Variants in NOS1AP observed in about 807,000 individuals in gnomAD.
NOS1AP encodes nitric oxide synthase 1 adaptor protein.
In NOS1AP, 21 loss-of-function variants were observed where a neutral mutation model predicts 56.2. That is an observed-to-expected ratio of 0.37 (90% CI 0.26 to 0.54). The LOEUF is 0.54. NOS1AP is among the 20% of genes least tolerant of loss of function. NOS1AP has a pLI of 0.84. For missense variants in NOS1AP, 522 were observed against 657.8 expected (o/e 0.79, Z 2.26); for synonymous variants, 270 against 274.6 (o/e 0.98, Z 0.17).
At chr1:162,124,350 G>A (rs1373819750) in intron 1 of NOS1AP, among the ~76,000 whole-genome samples, 2 of 152,068 alleles carry the variant, frequency 1.3e-5, no homozygotes, top group Non-Finnish European at 2.9e-5. Flanking sequence ...CCAGGGCTTA[G>A]CTCTGACTTG....
rs139851013 is a variant in NOS1AP, at chr1:162,128,308, A to G, written c.106-26097A>G. Among the ~76,000 whole-genome samples, 56 of 152,256 alleles carry G rather than the reference A, an allele frequency of 3.7e-4. No homozygotes were observed. In the East Asian group the frequency reaches 0.011, roughly 29 times the overall value. On this transcript the variant is annotated intron_variant, in intron 1 of 9. Transcript: ENST00000361897. The stretch of plus-strand genomic sequence containing the variant: ...CACTAAATGAAAATACACGTTTACC[A>G]TACACTACATTTCTGTATGCACTTG...
chr1:162,129,599 A>C (rs1054630099), intron 1 of NOS1AP, among the ~76,000 whole-genome samples: 3 of 152,278 alleles, frequency 2.0e-5, no homozygotes, highest in South Asian at 4.1e-4. Context: ...CCCTTAATAC[A>C]TTGACACTGG....
intron 2 of NOS1AP, among the ~76,000 whole-genome samples, chr1:162,192,803 T>C (rs1651685818): frequency 6.6e-6 from 1 of 152,226 alleles, no homozygotes; most frequent in East Asian, 1.9e-4. Context: ...TCTGTGTGGA[T>C]CTGATATATG....
chr1:162,188,844 G>C lies in NOS1AP; in HGVS notation c.177+34368G>C, dbSNP rs1490772042. On this transcript the variant is annotated intron_variant, in intron 2 of 9. Transcript: ENST00000361897. This position sits in a 1 kb window ranked among gnomAD's most constrained non-coding sequence, Gnocchi z 4.0. The stretch of plus-strand genomic sequence containing the variant: ...CGAGGCGGGCGGATCACGAGATCAG[G>C]AGTTCGAGACCAGCCTGGCCAACCT... Among the ~76,000 whole-genome samples, 2 of 152,212 alleles carry C rather than the reference G, an allele frequency of 1.3e-5. No individual in the cohort carries two copies. Among genetic ancestry groups the C allele is most frequent in the Non-Finnish European group, 2.9e-5 (2 of 68,030 alleles).
At chr1:162,300,747 A>T in intron 4 of NOS1AP, 41 bp downstream of exon 4, 1 of 1,573,762 alleles carries the variant, frequency 6.4e-7, no homozygotes, top group Non-Finnish European at 8.7e-7. Flanking sequence ...ACTGAGCCCC[A>T]GAGTCCTCCT....
At chr1:162,336,296 A>G (rs1415301581) in intron 5 of NOS1AP, among the ~76,000 whole-genome samples, 1 of 152,198 alleles carries the variant, frequency 6.6e-6, no homozygotes, top group Non-Finnish European at 1.5e-5. Context: ...CTAAAGGTAC[A>G]TAATGTGTGT....
At chr1:162,086,229 A>G (rs1691998565) in intron 1 of NOS1AP, among the ~76,000 whole-genome samples, 1 of 152,050 alleles carries the variant, frequency 6.6e-6, no homozygotes, top group South Asian at 2.1e-4. Context: ...AGGTTTTAAA[A>G]CATCCTTAGC....
intron 1 of NOS1AP, among the ~76,000 whole-genome samples, chr1:162,088,049 A>C (rs1692042587): frequency 6.6e-6 from 1 of 152,192 alleles, no homozygotes; most frequent in Admixed American, 6.6e-5. Flanking sequence ...TTTGAAAAGC[A>C]TCAGAACTCT....
intron 2 of NOS1AP, among the ~76,000 whole-genome samples, chr1:162,181,420 G>A (rs1047820553): frequency 3.9e-5 from 6 of 152,152 alleles, no homozygotes; most frequent in Non-Finnish European, 1.5e-5. Context: ...ACTCAGTCTA[G>A]CCTAAGAATT....
At chr1:162,218,048 A>G (rs1481382984) in intron 2 of NOS1AP, among the ~76,000 whole-genome samples, 6 of 152,176 alleles carry the variant, frequency 3.9e-5, no homozygotes. Flanking sequence ...AACTTCCTTT[A>G]AGTATCACTA....
intron 1 of NOS1AP, among the ~76,000 whole-genome samples, chr1:162,098,037 T>G (rs1330488149): frequency 1.3e-5 from 2 of 151,856 alleles, no homozygotes; most frequent in Non-Finnish European, 2.9e-5. Context: ...ATCTCTTCAT[T>G]TATTTAGGTC....
At chr1:162,277,267 T>G (rs1557860128) in intron 2 of NOS1AP, among the ~76,000 whole-genome samples, 3 of 152,358 alleles carry the variant, frequency 2.0e-5, no homozygotes, top group East Asian at 1.9e-4. Context: ...CAAAGAGAGC[T>G]GCCAGTATTC....
rs545921789 is a variant in NOS1AP at position 162,352,133 on chromosome 1, G to A, written c.596-3054G>A. ...GGAGTGCAGTGGCATGATCTCAGCT[G>A]ACTGCAACCTCCGCCTCCTGGGTTC... On this transcript the variant is annotated intron_variant, in intron 6 of 9. Transcript: ENST00000361897. 2.6e-4 allele frequency among the ~76,000 whole-genome samples: 39 copies of A among 151,838 alleles called. No individual in the cohort carries two copies. The South Asian group carries it at 2.7e-3, about 11-fold the overall frequency.
chr1:162,138,370 T>C (rs1649092623), intron 1 of NOS1AP, among the ~76,000 whole-genome samples: 1 of 152,144 alleles, frequency 6.6e-6, no homozygotes, highest in Non-Finnish European at 1.5e-5. Flanking sequence ...AGGATAAGAC[T>C]TTGTGGAGAT....
At chr1:162,229,566 C>T (rs1461465060) in intron 2 of NOS1AP, among the ~76,000 whole-genome samples, 2 of 151,796 alleles carry the variant, frequency 1.3e-5, no homozygotes, top group African/African-American at 4.8e-5. Context: ...TTCACCTGTT[C>T]CTGTTTATTT....
rs57313228 is a variant in NOS1AP, at chr1:162,251,869, G to GTT, written c.178-35456_178-35455dup. On this transcript the variant is annotated intron_variant, in intron 2 of 9. Transcript: ENST00000361897. ...CACCTAGCTAGTTGTTTTTTTTTTT[G>GTT]TTTTTTTTTTTTTTTTTTTTGTGGA... Among the ~76,000 whole-genome samples the GTT allele has an allele frequency of 9.9e-3, 813 of 82,174 alleles. 34 individuals are homozygous for GTT. Among genetic ancestry groups the GTT allele is most frequent in the South Asian group, 0.015 (27 of 1,834 alleles). The allele number at this position is 82,174 out of a possible 152,430, so 53.9% of individuals were successfully genotyped here.
At chr1:162,307,210 C>G (rs915255806) in intron 4 of NOS1AP, among the ~76,000 whole-genome samples, 2 of 152,112 alleles carry the variant, frequency 1.3e-5, no homozygotes, top group Admixed American at 6.5e-5. Flanking sequence ...TTCAGTTTTC[C>G]TGCCTTAGCA....
intron 2 of NOS1AP, among the ~76,000 whole-genome samples, chr1:162,208,039 T>C (rs1652218627): frequency 6.6e-6 from 1 of 152,194 alleles, no homozygotes; most frequent in Admixed American, 6.5e-5. Flanking sequence ...TAGACTGTGG[T>C]CAGGCTTGGC....
chr1:162,351,942 G>C (rs1282280136), intron 6 of NOS1AP, among the ~76,000 whole-genome samples: 1 of 152,124 alleles, frequency 6.6e-6, no homozygotes, highest in Non-Finnish European at 1.5e-5. Flanking sequence ...ACCTTTCTCT[G>C]TAGTGCTCAG....
Sources: allele counts gnomAD v4.1 joint callset (sites outside exome capture counted in the v4.1 genomes callset), GRCh38; gene constraint gnomAD v4.1.1; non-coding constraint Gnocchi (gnomAD v3.1); transcripts MANE v1.5; gene names NCBI Gene and HGNC (gene_info 2026-07-23, HGNC 2026-07-21).